The following NOXRED1 variants were observed in gnomAD, a reference collection of about 807,000 sequenced individuals.
NOXRED1 encodes NADP dependent oxidoreductase domain containing 1.
In NOXRED1, 20 loss-of-function variants were observed where a neutral mutation model predicts 30.4. That is an observed-to-expected ratio of 0.66 (90% CI 0.46 to 0.96). The LOEUF is 0.96. Ranked by LOEUF, NOXRED1 falls within the 40% of genes least tolerant of loss-of-function variation. The pLI, the probability that NOXRED1 is intolerant of heterozygous loss-of-function variation, is 0.00. For missense variants in NOXRED1, 374 were observed against 428.0 expected, an observed-to-expected ratio of 0.87 and a Z score of 1.11; for synonymous variants, 155 against 168.0, an observed-to-expected ratio of 0.92 and a Z score of 0.60.
intron 5 of NOXRED1, among the ~76,000 whole-genome samples, chr14:77,402,597 G>A (rs1894357268): frequency 6.6e-6 from 1 of 151,852 alleles, no homozygotes; most frequent in Non-Finnish European, 1.5e-5. Context: ...TCGTGCCATT[G>A]CACTCTAGCC....
At chr14:77,407,867 C>A (rs1251076838) in intron 2 of NOXRED1, among the ~76,000 whole-genome samples, 2 of 137,668 alleles carry the variant, frequency 1.5e-5, no homozygotes, top group South Asian at 4.7e-4. Flanking sequence ...TATAATTCAT[C>A]TTTTTTTTTT....
At chr14:77,423,894 A>C (rs1895064231), upstream of NOXRED1, among the ~76,000 whole-genome samples, 1 of 152,212 alleles carries the variant, frequency 6.6e-6, no homozygotes, top group African/African-American at 2.4e-5. Flanking sequence ...TCATCAGTAC[A>C]TTCAGAATGT....
intron 4 of NOXRED1, chr14:77,406,495 T>C (rs987587926): frequency 9.8e-6 from 6 of 614,878 alleles, no homozygotes; most frequent in African/African-American, 7.4e-5. Flanking sequence ...TGAAATAAGC[T>C]ATCTCCTCTT....
At chr14:77,418,180 G>A (rs1329912519) in intron 1 of NOXRED1, among the ~76,000 whole-genome samples, 1 of 151,836 alleles carries the variant, frequency 6.6e-6, no homozygotes, top group African/African-American at 2.4e-5. Flanking sequence ...TGTGGCCCAG[G>A]CTAGAGTACA....
chr14:77,395,440 T>C (rs1894156885), intron 5 of NOXRED1, among the ~76,000 whole-genome samples: 1 of 151,884 alleles, frequency 6.6e-6, no homozygotes, highest in Non-Finnish European at 1.5e-5. Context: ...AAAGAACATA[T>C]ATAAGATCGT....
At chr14:77,414,782 T>C (rs1470808248) in intron 1 of NOXRED1, among the ~76,000 whole-genome samples, 1 of 152,210 alleles carries the variant, frequency 6.6e-6, no homozygotes, top group Non-Finnish European at 1.5e-5. Flanking sequence ...ACAGCCACTA[T>C]TATACAGCAT....
At chr14:77,410,791 TTAAAG>T (rs2139683814) in intron 2 of NOXRED1, among the ~76,000 whole-genome samples, 1 of 152,124 alleles carries the variant, frequency 6.6e-6, no homozygotes, top group East Asian at 1.9e-4. Flanking sequence ...AGAAAATAAT[TTAAAG>T]TATATTAAAA....
chr14:77,398,244 C>T (rs966381241), intron 5 of NOXRED1, among the ~76,000 whole-genome samples: 8 of 152,202 alleles, frequency 5.3e-5, no homozygotes, highest in African/African-American at 1.9e-4. Flanking sequence ...GACCCTCACA[C>T]TTATGATTTT....
Position 77,394,029 on chromosome 14 carries a change from A to G in NOXRED1, c.*602T>C, listed in dbSNP as rs948594873. 4 of 152,250 alleles carry G rather than the reference A, an allele frequency of 2.6e-5. No individual in the cohort carries two copies. Among genetic ancestry groups the G allele is most frequent in the African/African-American group, 9.6e-5 (4 of 41,466 alleles). The allele number at this position is 152,250 out of a possible 1,614,324, so 9.4% of individuals were successfully genotyped here. A position where few individuals can be genotyped will look rare whatever the true frequency, so the allele number is the denominator to read the frequency against. The stretch of plus-strand genomic sequence containing the variant: ...TAAAGGAAATCAACAAATTTGCAGT[A>G]TAGATCTATATTTTGCAAAATTAGT... On this transcript the variant is annotated 3_prime_UTR_variant, in exon 6 of 6. Transcript: ENST00000380835.
intron 1 of NOXRED1, among the ~76,000 whole-genome samples, chr14:77,415,957 C>T (rs145852025): frequency 3.3e-5 from 5 of 152,050 alleles, no homozygotes; most frequent in African/African-American, 4.8e-5. Context: ...TCAAGTGATC[C>T]GCCCACCTCC....
intron 5 of NOXRED1, among the ~76,000 whole-genome samples, chr14:77,399,687 A>C (rs1031534925): frequency 1.3e-5 from 2 of 152,178 alleles, no homozygotes; most frequent in Non-Finnish European, 2.9e-5. Flanking sequence ...CTGAAAAGCA[A>C]AGAAAACAAA....
intron 2 of NOXRED1, 152 bp from the exon 3 acceptor site, chr14:77,407,797 T>C (rs554852442): frequency 8.4e-6 from 5 of 598,538 alleles, no homozygotes; most frequent in Admixed American, 5.9e-5. Context: ...CTACAGACCT[T>C]CTAAAAGCCA....
At chr14:77,424,211 G>A (rs1333848577), upstream of NOXRED1, among the ~76,000 whole-genome samples, 1 of 152,246 alleles carries the variant, frequency 6.6e-6, no homozygotes, top group Non-Finnish European at 1.5e-5. Context: ...AGCACTTTGG[G>A]AGGCCGAGGC....
chr14:77,419,420 T>C (rs1894923493), intron 1 of NOXRED1, among the ~76,000 whole-genome samples: 1 of 148,756 alleles, frequency 6.7e-6, no homozygotes, highest in African/African-American at 2.5e-5. Context: ...GTATTCTTGG[T>C]TGACAGGTTT....
At chr14:77,414,699 T>C (rs143672996) in intron 1 of NOXRED1, among the ~76,000 whole-genome samples, 1 of 152,340 alleles carries the variant, frequency 6.6e-6, no homozygotes, top group African/African-American at 2.4e-5. Flanking sequence ...CATACTTTGT[T>C]ACATGTATTA....
At chr14:77,409,810 A>ATT (rs111619657) in intron 2 of NOXRED1, among the ~76,000 whole-genome samples, 5 of 141,352 alleles carry the variant, frequency 3.5e-5, no homozygotes, top group African/African-American at 7.7e-5. Flanking sequence ...ATACCTTGAG[A>ATT]TTTTTTTTTT....
chr14:77,414,206 G>C (rs1894750401), intron 1 of NOXRED1, 79 bp from the exon 2 acceptor site: 1 of 917,120 alleles, frequency 1.1e-6, no homozygotes, highest in African/African-American at 1.8e-5. Context: ...TTTTGAGACA[G>C]AGTCTTGCTT....
rs1274881457 is a variant in NOXRED1, at chr14:77,394,678, G to C, written c.1033C>G (p.Leu345Val). 2 of 1,613,286 alleles carry C rather than the reference G, an allele frequency of 1.2e-6. No individual in the cohort carries two copies. The highest frequency in any genetic ancestry group is 1.7e-6 in the Non-Finnish European group (2 of 1,179,452). The stretch of plus-strand genomic sequence containing the variant: ...GAAATGACTGGCTGTTCTTTGGTTA[G>C]GGAGATGCCAAATGAAGCACAGTAT... ...HLYCASFGIS[L>V]TKEQPVISTG... The change falls in exon 6 of 6, where the codon CTA becomes GTA. Residue 345 changes from leucine (L) to valine (V), a missense_variant. Transcript: ENST00000380835.
chr14:77,418,246 C>T (rs765873332), intron 1 of NOXRED1, among the ~76,000 whole-genome samples: 3 of 151,872 alleles, frequency 2.0e-5, no homozygotes, highest in South Asian at 2.1e-4. Context: ...GTGATCCTCC[C>T]GCCTCAGCCT....
Sources: gnomAD v4.1 joint callset for allele counts (sites outside exome capture counted in the v4.1 genomes callset) on GRCh38, gnomAD v4.1.1 for gene constraint, MANE v1.5 for transcripts, NCBI Gene and HGNC (gene_info 2026-07-23, HGNC 2026-07-21) for gene names.